Variants in SNX13 observed in about 807,000 individuals in gnomAD.
SNX13 encodes the protein sorting nexin-13.
In SNX13, 45 loss-of-function variants were observed where a neutral mutation model predicts 133.6. The observed-to-expected ratio is 0.34, with a 90% CI of 0.27 to 0.43. The LOEUF (loss-of-function observed/expected upper bound fraction) is 0.43. SNX13 is among the 20% of genes least tolerant of loss of function. The pLI, the probability that SNX13 is intolerant of heterozygous loss-of-function variation, is 1.00. For missense variants in SNX13, 1,032 were observed against 1,145.1 expected (o/e 0.90, Z 1.43); for synonymous variants, 414 against 373.9 (o/e 1.11, Z -1.24).
chr7:17,817,697 G>C (rs1020879527), intron 18 of SNX13, among the ~76,000 whole-genome samples: 2 of 152,070 alleles, frequency 1.3e-5, no homozygotes, highest in African/African-American at 4.8e-5. Context: ...CAAATTTGGT[G>C]ATTTACAAAA....
intron 5 of SNX13, among the ~76,000 whole-genome samples, chr7:17,883,256 C>A (rs1205231428): frequency 2.0e-5 from 3 of 152,070 alleles, no homozygotes; most frequent in African/African-American, 7.2e-5. Flanking sequence ...CACAGAAGTA[C>A]ACACATAAAG....
At chr7:17,811,905 T>C (rs6978103) in intron 20 of SNX13, among the ~76,000 whole-genome samples, 92,329 of 151,372 alleles carry the variant, frequency 0.61, 29,618 homozygotes, top group African/African-American at 0.81. Flanking sequence ...GAAAGGATTT[T>C]CTATTTAATA....
At chr7:17,865,605 CT>C (rs1793298339) in intron 9 of SNX13, among the ~76,000 whole-genome samples, 1 of 152,046 alleles carries the variant, frequency 6.6e-6, no homozygotes, top group African/African-American at 2.4e-5. Flanking sequence ...TACCAATAAC[CT>C]TTTTCACAGA....
At chr7:17,794,501 G>C in intron 25 of SNX13, 1 of 560,696 alleles carries the variant, frequency 1.8e-6, no homozygotes, top group Non-Finnish European at 3.1e-6. Context: ...AAAGCTACTG[G>C]GAGACAATAT....
intron 22 of SNX13, among the ~76,000 whole-genome samples, chr7:17,799,979 A>T (rs1784444764): frequency 6.6e-6 from 1 of 151,764 alleles, no homozygotes; most frequent in Non-Finnish European, 1.5e-5. Flanking sequence ...TACATTTTTC[A>T]CTGTCACGTT....
chr7:17,871,063 T>G (rs1198160038), intron 8 of SNX13, among the ~76,000 whole-genome samples: 1 of 151,816 alleles, frequency 6.6e-6, no homozygotes, highest in African/African-American at 2.4e-5. Context: ...TGGAGTGCAG[T>G]GGCGCGATCT....
At chr7:17,917,012 T>C (rs187165841) in intron 1 of SNX13, among the ~76,000 whole-genome samples, 2 of 152,122 alleles carry the variant, frequency 1.3e-5, no homozygotes, top group Admixed American at 1.3e-4. Flanking sequence ...GTTCAACATA[T>C]GCAAATCAAT....
At chr7:17,865,217 T>G (rs1162444511) in intron 9 of SNX13, among the ~76,000 whole-genome samples, 1 of 152,208 alleles carries the variant, frequency 6.6e-6, no homozygotes, top group Non-Finnish European at 1.5e-5. Context: ...ACTGCAACTG[T>G]GGTGTACAAT....
chr7:17,801,060 A>ATC (rs1784594309), intron 22 of SNX13, among the ~76,000 whole-genome samples: 1 of 140,832 alleles, frequency 7.1e-6, no homozygotes, highest in Non-Finnish European at 1.6e-5. Context: ...ATATATATAT[A>ATC]TCCTGATACA....
At chr7:17,885,667 G>C (rs1253236350) in intron 5 of SNX13, among the ~76,000 whole-genome samples, 7 of 151,896 alleles carry the variant, frequency 4.6e-5, no homozygotes, top group Non-Finnish European at 8.8e-5. Context: ...GTCTCTACTA[G>C]AATACAAAAA....
intron 11 of SNX13, among the ~76,000 whole-genome samples, chr7:17,846,552 C>A (rs17138308): frequency 0.037 from 5,617 of 151,894 alleles, 337 homozygotes; most frequent in African/African-American, 0.13. Flanking sequence ...ATTTCAGAAC[C>A]CTCTATTTAA....
At chr7:17,841,580 A>ACACACACACT (rs774602771) in intron 12 of SNX13, among the ~76,000 whole-genome samples, 2 of 151,274 alleles carry the variant, frequency 1.3e-5, no homozygotes, top group African/African-American at 4.9e-5. Context: ...ACACACACAC[A>ACACACACACT]CACGCACACA....
rs1454704082 is a variant in SNX13, at chr7:17,791,571, G to GA, written c.*2473dup. 2 of 151,840 alleles carry GA rather than the reference G, an allele frequency of 1.3e-5. No individual in the cohort carries two copies. The highest frequency in any genetic ancestry group is 1.3e-4 in the Admixed American group (2 of 15,228). 9.4% of individuals were successfully genotyped at this position (151,840 alleles called of 1,614,324 possible). A position where few individuals can be genotyped will look rare whatever the true frequency, so the allele number is the denominator to read the frequency against. On this transcript the variant is annotated 3_prime_UTR_variant, in exon 26 of 26. Transcript: ENST00000428135. ...TTTCTAAATAGTGTACATGTTACCT[G>GA]AAAAATCAGAAAACACAAAGAATGA...
chr7:17,842,438 T>C (rs1345590178), intron 12 of SNX13, among the ~76,000 whole-genome samples: 2 of 152,042 alleles, frequency 1.3e-5, no homozygotes, highest in East Asian at 3.9e-4. Flanking sequence ...CCATAAGACC[T>C]GCCTTGCAAA....
chr7:17,816,132 G>C (rs1163077799), intron 19 of SNX13, 50 bp downstream of exon 19: 6 of 1,480,762 alleles, frequency 4.1e-6, no homozygotes, highest in Non-Finnish European at 5.4e-6. Context: ...TTCTACACCT[G>C]TGTGCTATAT....
chr7:17,805,505 A>G (rs951177125), intron 20 of SNX13, among the ~76,000 whole-genome samples: 1 of 152,194 alleles, frequency 6.6e-6, no homozygotes, highest in Admixed American at 6.5e-5. Flanking sequence ...CACCTTGCTA[A>G]TAAGCTAAAA....
In SNX13 at chr7:17,937,321, T is replaced by C. The variant is rs552040346; in HGVS notation, c.12+2963A>G. Among the ~76,000 whole-genome samples, 3 of 152,110 alleles carry C rather than the reference T, an allele frequency of 2.0e-5. 1 individual carries two copies. Among genetic ancestry groups the C allele is most frequent in the South Asian group, 4.1e-4 (2 of 4,822 alleles). Reference sequence around the variant, plus strand: ...AAAATGGTCCTTAATTGATCACTTGTGTGGCTTCTCATTTCTGAAAAGGTT... The same window carrying C: ...AAAATGGTCCTTAATTGATCACTTGCGTGGCTTCTCATTTCTGAAAAGGTT... On this transcript the variant is annotated intron_variant, in intron 1 of 25. Coordinates refer to ENST00000428135, the MANE Select transcript of SNX13 (RefSeq NM_015132.5).
At position 17,866,422 on chromosome 7, in the gene SNX13, C is replaced by G. The variant is rs1793405869; in HGVS notation, c.837+1985G>C. On this transcript the variant is annotated intron_variant, in intron 9 of 25. Transcript: ENST00000428135. Reference sequence around the variant, plus strand: ...AACAGCACTTATCATCATAGAAATACAAACTACAATGAGATACTATTTCAC... The same window carrying G: ...AACAGCACTTATCATCATAGAAATAGAAACTACAATGAGATACTATTTCAC... 5.9e-5 allele frequency among the ~76,000 whole-genome samples: 9 copies of G among 151,946 alleles called. No individual in the cohort carries two copies. The South Asian group carries it at 1.9e-3, about 32-fold the overall frequency.
At chr7:17,805,030 T>C (rs1230156009) in intron 20 of SNX13, among the ~76,000 whole-genome samples, 1 of 152,210 alleles carries the variant, frequency 6.6e-6, no homozygotes, top group Non-Finnish European at 1.5e-5. Flanking sequence ...GCTCAGCCAA[T>C]AGTACCATAG....
Sources: gnomAD v4.1 joint callset for allele counts (sites outside exome capture counted in the v4.1 genomes callset) on GRCh38, gnomAD v4.1.1 for gene constraint, MANE v1.5 for transcripts, NCBI Gene and HGNC (gene_info 2026-07-23, HGNC 2026-07-21) for gene names.